Variants in RIC3 observed in about 807,000 individuals in gnomAD.
RIC3 encodes protein RIC-3.
RIC3 carries 28 observed loss-of-function variants against 27.3 expected under a neutral mutation model. The ratio of observed to expected loss-of-function variants is 1.02; its 90% CI spans 0.76 to 1.41. RIC3 has a LOEUF of 1.41. Ranked by LOEUF, RIC3 falls within the 40% of genes most tolerant of loss-of-function variation. The pLI, the probability that RIC3 is intolerant of heterozygous loss-of-function variation, is 0.00. For missense variants in RIC3, 501 were observed against 444.7 expected (o/e 1.13, Z -1.14); for synonymous variants, 184 against 160.4 (o/e 1.15, Z -1.11).
intron 5 of RIC3, among the ~76,000 whole-genome samples, chr11:8,124,061 C>A (rs1946745902): frequency 6.9e-6 from 1 of 143,996 alleles, no homozygotes; most frequent in Admixed American, 7.6e-5. Context: ...AGGGCAAGAC[C>A]CTGAAAAAAA....
chr11:8,100,780 T>G, the RIC3 span: 1 of 1,607,108 alleles, frequency 6.2e-7, no homozygotes, highest in Non-Finnish European at 8.5e-7. Context: ...GGGGTGGTCA[T>G]GGTGCCAAAG....
chr11:8,118,442 C>T (rs1946102317), intron 5 of RIC3, among the ~76,000 whole-genome samples: 3 of 138,548 alleles, frequency 2.2e-5, no homozygotes, highest in Non-Finnish European at 3.0e-5. Flanking sequence ...GAAGATACTG[C>T]ATTGATAAAA....
chr11:8,142,237 A>C (rs1413569587), intron 1 of RIC3, among the ~76,000 whole-genome samples: 3 of 135,646 alleles, frequency 2.2e-5, no homozygotes, highest in Non-Finnish European at 3.0e-5. Context: ...TGAATCCAGG[A>C]GCTGGTTTTT....
In RIC3 at chr11:8,126,957, G is replaced by A. The variant is rs143323294; in HGVS notation, c.522-150C>T. 6.7e-5 allele frequency: 58 copies of A among 862,674 alleles called. No homozygotes were observed. The East Asian group carries it at 1.4e-3, about 21-fold the overall frequency. The allele number at this position is 862,674 out of a possible 1,614,324, so 53.4% of individuals were successfully genotyped here. A position where few individuals can be genotyped will look rare whatever the true frequency, so the allele number is the denominator to read the frequency against. On this transcript the variant is annotated intron_variant, in intron 4 of 5. Coordinates refer to ENST00000309737, the MANE Select transcript of RIC3 (RefSeq NM_001206671.4). Reference sequence around the variant, plus strand: ...GAATTGATCCTCCAACTGCATAGCTGGGAACTAGAGATGTTAGTTCAATGC... The same window carrying A: ...GAATTGATCCTCCAACTGCATAGCTAGGAACTAGAGATGTTAGTTCAATGC...
chr11:8,110,584 G>T lies in RIC3; in HGVS notation c.*114C>A. 1 of 917,542 alleles carries T rather than the reference G, an allele frequency of 1.1e-6. No individual in the cohort carries two copies. Among genetic ancestry groups the T allele is most frequent in the Non-Finnish European group, 1.8e-6 (1 of 557,902 alleles). The allele number at this position is 917,542 out of a possible 1,614,324, so 56.8% of individuals were successfully genotyped here. On this transcript the variant is annotated 3_prime_UTR_variant, in exon 6 of 6. Transcript: ENST00000309737. ...TGATATCCATGATAGTGGCCTGATA[G>T]CTATGACACTTGAACACAGTGAAGA...
chr11:8,103,766 A>C (rs557128484), downstream of RIC3: 2 of 152,650 alleles, frequency 1.3e-5, no homozygotes, highest in African/African-American at 2.4e-5. Flanking sequence ...GATCGTCTCT[A>C]ATGTTAGGTC....
chr11:8,118,114 T>C (rs1420365780), intron 5 of RIC3, among the ~76,000 whole-genome samples: 1 of 151,216 alleles, frequency 6.6e-6, no homozygotes, highest in Non-Finnish European at 1.5e-5. Flanking sequence ...TCCCAGCTAC[T>C]TGGGAGGCTG....
intron 4 of RIC3, among the ~76,000 whole-genome samples, chr11:8,135,089 T>G (rs929151382): frequency 6.6e-6 from 1 of 152,218 alleles, no homozygotes; most frequent in East Asian, 1.9e-4. Context: ...TTGCCTAGGT[T>G]TTCTTCTAGG....
intron 4 of RIC3, among the ~76,000 whole-genome samples, chr11:8,132,656 TCTTA>T (rs1394143108): frequency 6.6e-6 from 1 of 152,242 alleles, no homozygotes; most frequent in Non-Finnish European, 1.5e-5. Flanking sequence ...ATATTTCTGT[TCTTA>T]CTTAAGCATT....
chr11:8,163,036 CACACACACACACACAT>C (rs1164178374), intron 1 of RIC3, among the ~76,000 whole-genome samples: 8 of 146,536 alleles, frequency 5.5e-5, no homozygotes, highest in African/African-American at 1.5e-4. Flanking sequence ...CACACACACA[CACACACACACACACAT>C]ACACACACAC....
the RIC3 span, chr11:8,100,531 C>T: frequency 6.2e-7 from 1 of 1,614,090 alleles, no homozygotes; most frequent in Non-Finnish European, 8.5e-7. Context: ...TTCAAGGGGC[C>T]TCGGAAGATG....
chr11:8,126,172 A>C (rs1946969827), intron 5 of RIC3, among the ~76,000 whole-genome samples: 1 of 152,250 alleles, frequency 6.6e-6, no homozygotes, highest in South Asian at 2.1e-4. Flanking sequence ...TTGAGTCATA[A>C]GAGTGCAAAG....
the RIC3 span, among the ~76,000 whole-genome samples, chr11:8,095,247 G>C: frequency 1.4e-4 from 21 of 152,172 alleles, no homozygotes; most frequent in African/African-American, 5.1e-4. Flanking sequence ...CTTTAAGGAC[G>C]TGAGGTGTTG....
intron 1 of RIC3, among the ~76,000 whole-genome samples, chr11:8,157,142 C>T (rs1016715888): frequency 2.0e-5 from 3 of 151,968 alleles, no homozygotes; most frequent in African/African-American, 7.2e-5. Flanking sequence ...CATGACGGAT[C>T]AAGACAAAAA....
intron 1 of RIC3, among the ~76,000 whole-genome samples, chr11:8,157,390 C>A (rs1483572917): frequency 6.6e-6 from 1 of 152,204 alleles, no homozygotes; most frequent in African/African-American, 2.4e-5. Context: ...CATCCTTAAA[C>A]CATCCTCCAG....
chr11:8,154,939 A>C (rs1330945605), intron 1 of RIC3, among the ~76,000 whole-genome samples: 1 of 152,162 alleles, frequency 6.6e-6, no homozygotes, highest in Non-Finnish European at 1.5e-5. Context: ...GCCCATATTC[A>C]GGTTTCCTTA....
At chr11:8,113,393 C>A (rs1170861043) in intron 5 of RIC3, among the ~76,000 whole-genome samples, 1 of 152,202 alleles carries the variant, frequency 6.6e-6, no homozygotes, top group Non-Finnish European at 1.5e-5. Context: ...CCTGCACCCA[C>A]AGACCCAGCC....
intron 1 of RIC3, among the ~76,000 whole-genome samples, chr11:8,141,893 C>A (rs1051785539): frequency 6.6e-6 from 1 of 151,964 alleles, no homozygotes; most frequent in Non-Finnish European, 1.5e-5. Flanking sequence ...CGCTCAACTA[C>A]ATGGAAACTG....
intron 1 of RIC3, among the ~76,000 whole-genome samples, chr11:8,148,710 G>C (rs979014122): frequency 2.0e-5 from 3 of 152,064 alleles, no homozygotes; most frequent in Non-Finnish European, 2.9e-5. Flanking sequence ...GAAAAGAAGA[G>C]AGCGATAAAG....
Sources: gnomAD v4.1 joint callset for allele counts (sites outside exome capture counted in the v4.1 genomes callset) on GRCh38, gnomAD v4.1.1 for gene constraint, MANE v1.5 for transcripts, NCBI Gene and HGNC (gene_info 2026-07-23, HGNC 2026-07-21) for gene names.